The following EHMT2 variants were observed in gnomAD, a reference collection of about 807,000 sequenced individuals.
EHMT2 encodes euchromatic histone lysine methyltransferase 2, also known as histone-lysine N-methyltransferase EHMT2.
EHMT2 carries 59 observed loss-of-function variants against 143.3 expected under a neutral mutation model. The observed-to-expected ratio is 0.41, with a 90% CI of 0.33 to 0.51. The LOEUF is 0.51. Among genes scored for constraint, EHMT2 ranks in the 20% least tolerant of loss-of-function variants. EHMT2 has a pLI of 0.18. For synonymous variants in EHMT2, 604 were observed against 651.5 expected (o/e 0.93, Z 1.11); for missense variants, 1,174 against 1,645.9 (o/e 0.71, Z 4.96).
chr6:31,892,906 G>C, exon 5 of EHMT2: 1 of 1,565,758 alleles, frequency 6.4e-7, no homozygotes, highest in Non-Finnish European at 8.7e-7. Flanking sequence ...CTCAGGGACC[G>C]GGGGCTGTGG....
chr6:31,894,388 C>G (rs1404736204), intron 4 of EHMT2, among the ~76,000 whole-genome samples: 1 of 151,920 alleles, frequency 6.6e-6, no homozygotes, highest in Admixed American at 6.6e-5. Context: ...CTCAGGTGAT[C>G]CACCTGCCTT....
At chr6:31,896,856 G>A in intron 2 of EHMT2, 32 bp from the exon 3 acceptor site, 1 of 1,612,538 alleles carries the variant, frequency 6.2e-7, no homozygotes, top group South Asian at 1.1e-5. Flanking sequence ...TCAGAGCTAA[G>A]GGCTCAGGAG....
chr6:31,881,162 C>T lies in EHMT2; in HGVS notation c.3198-70G>A. ...TAGGAGGTGGCTCCAGGCCCCATCT[C>T]TCTTCACAAGCCTGTGGAATCTGGA... On this transcript the variant is annotated intron_variant, in intron 25 of 27. Transcript: ENST00000375537. This position sits in a 1 kb window ranked among gnomAD's most constrained non-coding sequence, Gnocchi z 4.8. 3 of 1,346,502 alleles carry T rather than the reference C, an allele frequency of 2.2e-6. No individual in the cohort carries two copies. The highest frequency in any genetic ancestry group is 1.2e-5 in the South Asian group (1 of 85,558). The allele number at this position is 1,346,502 out of a possible 1,614,324, so 83.4% of individuals were successfully genotyped here. A position where few individuals can be genotyped will look rare whatever the true frequency, so the allele number is the denominator to read the frequency against.
chr6:31,886,344 G>GCCT (rs1764840566), intron 18 of EHMT2: 1 of 548,442 alleles, frequency 1.8e-6, no homozygotes, highest in African/African-American at 1.9e-5. Flanking sequence ...TTAATAAAAA[G>GCCT]CCTCACTGGA....
At chr6:31,897,489 T>C in intron 1 of EHMT2, 147 bp downstream of exon 1, 1 of 301,254 alleles carries the variant, frequency 3.3e-6, no homozygotes, top group Non-Finnish European at 4.9e-6. Flanking sequence ...GGTCCCCTCA[T>C]CCGCCCCCGG....
chr6:31,896,168 T>A, intron 4 of EHMT2, 95 bp downstream of exon 4: 1 of 1,501,636 alleles, frequency 6.7e-7, no homozygotes, highest in Non-Finnish European at 8.9e-7. Context: ...CTTAAATATG[T>A]GAATGAGTAA....
At chr6:31,893,930 G>T (rs908928571) in intron 4 of EHMT2, among the ~76,000 whole-genome samples, 15 of 152,080 alleles carry the variant, frequency 9.9e-5, no homozygotes, top group African/African-American at 3.6e-4. Context: ...TGCACATGAT[G>T]AAAGTATTTA....
At chr6:31,895,403 G>A (rs950069876) in intron 4 of EHMT2, 3 of 146,418 alleles carry the variant, frequency 2.0e-5, no homozygotes, top group African/African-American at 5.1e-5. Flanking sequence ...TTCTTTTTGC[G>A]GCTCCTTCCA....
chr6:31,894,304 T>C (rs1030554658), intron 4 of EHMT2, among the ~76,000 whole-genome samples: 2 of 152,098 alleles, frequency 1.3e-5, no homozygotes, highest in African/African-American at 4.8e-5. Context: ...TGTACCACCA[T>C]GCCCGGCTAA....
In EHMT2 at chr6:31,885,035, T is replaced by C; in HGVS notation, c.2344-19A>G. The C allele has an allele frequency of 1.3e-6, 2 of 1,593,098 alleles. No individual in the cohort carries two copies. Among genetic ancestry groups the C allele is most frequent in the Non-Finnish European group, 1.7e-6 (2 of 1,165,702 alleles). On this transcript the variant is annotated intron_variant, in intron 18 of 27. Transcript: ENST00000375537. ...CACTGTCCTGTGGGTGGGAAGGGAG[T>C]GAGGGTGGGGGCAGCTGGCCCTGCT...
chr6:31,884,910 A>G lies in EHMT2; in HGVS notation c.2448+2T>C. On this transcript the variant is annotated splice_donor_variant, in intron 19 of 27. Coordinates refer to ENST00000375537, the Ensembl canonical transcript of EHMT2. LOFTEE classifies it high-confidence loss of function. This position sits in a 1 kb window ranked among gnomAD's most constrained non-coding sequence, Gnocchi z 7.3. The stretch of plus-strand genomic sequence containing the variant: ...CCCTACCTCAACCAAACGCTCACTC[A>G]CGTTGTCAGTGAGGGTGACGTCGGC... The G allele has an allele frequency of 1.3e-6, 2 of 1,599,936 alleles. No individual in the cohort carries two copies. Among genetic ancestry groups the G allele is most frequent in the Non-Finnish European group, 1.7e-6 (2 of 1,168,834 alleles).
chr6:31,890,885 C>T (rs947103501), intron 7 of EHMT2, among the ~76,000 whole-genome samples: 1 of 150,404 alleles, frequency 6.6e-6, no homozygotes, highest in African/African-American at 2.4e-5. Flanking sequence ...AACAAACAAA[C>T]AAACAAACAC....
exon 14 of EHMT2, chr6:31,887,955 C>G (rs770053575): frequency 1.3e-6 from 2 of 1,593,004 alleles, no homozygotes; most frequent in Non-Finnish European, 8.6e-7. Context: ...GCCCTCGCAT[C>G]CGGGCACTGT....
intron 4 of EHMT2, chr6:31,896,024 G>T: frequency 4.3e-6 from 2 of 467,678 alleles, no homozygotes; most frequent in South Asian, 1.0e-4. Flanking sequence ...GAGTAATTAA[G>T]ACATTAACTA....
At chr6:31,882,643 A>G in intron 25 of EHMT2, 56 bp downstream of exon 25, 2 of 1,527,252 alleles carry the variant, frequency 1.3e-6, no homozygotes, top group Non-Finnish European at 1.8e-6. Flanking sequence ...CCTGGCAGTC[A>G]GCAGTGGCCA....
rs912789154 is a variant in EHMT2, at chr6:31,889,843, A to G, written c.865-241T>C. Among the ~76,000 whole-genome samples, 3 of 152,050 alleles carry G rather than the reference A, an allele frequency of 2.0e-5. No individual in the cohort carries two copies. Among genetic ancestry groups the G allele is most frequent in the African/African-American group, 2.4e-5 (1 of 41,294 alleles). ...TTGGTAATGTGATATTAAGTTAAAA[A>G]ACAAAAAGCAAGTACCAGAAGATAA... On this transcript the variant is annotated intron_variant, in intron 7 of 27. Coordinates refer to ENST00000375537, the Ensembl canonical transcript of EHMT2. The surrounding 1 kb of genome is among the most constrained non-coding windows in gnomAD (Gnocchi z 5.1).
At chr6:31,890,325 C>T (rs931101770) in intron 7 of EHMT2, among the ~76,000 whole-genome samples, 8 of 152,038 alleles carry the variant, frequency 5.3e-5, no homozygotes, top group Non-Finnish European at 7.4e-5. Context: ...GGTGTGATCT[C>T]AGCTCACTGC....
At chr6:31,897,271 C>T in intron 1 of EHMT2, 1 of 855,092 alleles carries the variant, frequency 1.2e-6, no homozygotes, top group East Asian at 3.4e-5. Flanking sequence ...CCCCTCCTCC[C>T]GGCTGCACGC....
rs759741406 is a variant in EHMT2 at position 31,880,095 on chromosome 6, C to G, written c.3622G>C (p.Val1208Leu). 1.2e-6 allele frequency: 2 copies of G among 1,612,542 alleles called. No homozygotes were observed. Among genetic ancestry groups the G allele is most frequent in the Admixed American group, 3.3e-5 (2 of 59,990 alleles). The change falls in exon 28 of 28, where the codon GTC becomes CTC. Residue 1208 changes from valine to leucine, a missense_variant. Coordinates refer to ENST00000375537, the Ensembl canonical transcript of EHMT2. This position sits in a 1 kb window ranked among gnomAD's most constrained non-coding sequence, Gnocchi z 6.6. ...GGTGTGGTCCGTTCTCATGTGTTGA[C>G]AGGGGGCAGGGAGCCGAGCTCGGGC...
Sources: gnomAD v4.1 joint callset for allele counts (sites outside exome capture counted in the v4.1 genomes callset) on GRCh38, gnomAD v4.1.1 for gene constraint, Gnocchi (gnomAD v3.1) non-coding constraint, MANE v1.5 for transcripts, NCBI Gene and HGNC (gene_info 2026-07-23, HGNC 2026-07-21) for gene names.